Variants in NTM observed in about 807,000 individuals in gnomAD.
The protein encoded by NTM is neurotrimin.
NTM carries 13 observed loss-of-function variants against 42.1 expected under a neutral mutation model. That is an observed-to-expected ratio of 0.31 (90% CI 0.20 to 0.49). The LOEUF (loss-of-function observed/expected upper bound fraction) is 0.49. Ranked by LOEUF, NTM falls within the 20% of genes least tolerant of loss-of-function variation. The pLI is 0.99. For missense variants in NTM, 373 were observed against 452.8 expected, an observed-to-expected ratio of 0.82 and a Z score of 1.60; for synonymous variants, 187 against 179.2, an observed-to-expected ratio of 1.04 and a Z score of -0.35.
At chr11:131,770,608 A>G (rs2085909805) in intron 1 of NTM, among the ~76,000 whole-genome samples, 1 of 152,206 alleles carries the variant, frequency 6.6e-6, no homozygotes, top group Admixed American at 6.5e-5. Flanking sequence ...CTGGTAAATT[A>G]AATCAACAGT....
intron 2 of NTM, among the ~76,000 whole-genome samples, chr11:132,138,563 AATCT>A (rs6144568): frequency 0.084 from 10,640 of 127,004 alleles, 596 homozygotes; most frequent in East Asian, 0.2. Context: ...TTTTCAACAG[AATCT>A]ATCTATCTAT....
At chr11:131,412,534 C>A (rs1468070021) in intron 1 of NTM, among the ~76,000 whole-genome samples, 2 of 152,146 alleles carry the variant, frequency 1.3e-5, no homozygotes, top group Non-Finnish European at 2.9e-5. Context: ...AAACTGTCCT[C>A]CTCTCTCCTC....
chr11:132,048,385 G>A (rs2078325398), intron 2 of NTM, among the ~76,000 whole-genome samples: 1 of 152,196 alleles, frequency 6.6e-6, no homozygotes, highest in African/African-American at 2.4e-5. Context: ...TGGTCCCTGT[G>A]TGGGGAATTG....
chr11:131,663,698 G>A (rs2068496043), intron 1 of NTM: 1 of 152,174 alleles, frequency 6.6e-6, no homozygotes, highest in Admixed American at 6.5e-5. Context: ...GAATGCTGGG[G>A]TTCCCACTCT....
chr11:131,482,834 C>T (rs1953752333), intron 1 of NTM, among the ~76,000 whole-genome samples: 1 of 152,026 alleles, frequency 6.6e-6, no homozygotes, highest in African/African-American at 2.4e-5. Context: ...AGAAACAGAG[C>T]AAAAGAGAAT....
At chr11:132,073,501 A>T (rs760083447) in intron 2 of NTM, among the ~76,000 whole-genome samples, 2 of 152,206 alleles carry the variant, frequency 1.3e-5, no homozygotes, top group Non-Finnish European at 2.9e-5. Context: ...TTAAAAGGAC[A>T]TATGGCTCCA....
intron 1 of NTM, among the ~76,000 whole-genome samples, chr11:131,904,181 A>G (rs1313017627): frequency 6.6e-6 from 1 of 152,182 alleles, no homozygotes; most frequent in African/African-American, 2.4e-5. Context: ...GGGAACAAGG[A>G]ATAAAACCTC....
chr11:132,199,269 T>C (rs185303572), intron 3 of NTM, among the ~76,000 whole-genome samples: 3 of 151,990 alleles, frequency 2.0e-5, no homozygotes, highest in Non-Finnish European at 4.4e-5. Flanking sequence ...GTACATAGAG[T>C]GTAGTTCACC....
At chr11:131,398,669 C>A (rs934903214) in intron 1 of NTM, among the ~76,000 whole-genome samples, 3 of 152,144 alleles carry the variant, frequency 2.0e-5, no homozygotes, top group African/African-American at 7.2e-5. Context: ...ATGATTATGG[C>A]CTTATTCCAC....
chr11:132,161,395 T>TTC (rs1491379312), intron 3 of NTM, among the ~76,000 whole-genome samples: 2 of 97,392 alleles, frequency 2.1e-5, no homozygotes, highest in Admixed American at 2.2e-4. Context: ...TTTTTTTTTT[T>TTC]CCCCACAAAA....
chr11:131,605,292 A>G (rs774359843), intron 1 of NTM, among the ~76,000 whole-genome samples: 8 of 152,158 alleles, frequency 5.3e-5, no homozygotes, highest in Admixed American at 5.2e-4. Context: ...ATTATCCCTG[A>G]GTACTTTACT....
chr11:132,200,137 A>G (rs1437013896), intron 3 of NTM, among the ~76,000 whole-genome samples: 6 of 152,156 alleles, frequency 3.9e-5, no homozygotes, highest in Non-Finnish European at 1.5e-5. Flanking sequence ...TTCACCAGCC[A>G]TAACCTTTAT....
intron 2 of NTM, among the ~76,000 whole-genome samples, chr11:132,005,034 C>T (rs1043149431): frequency 1.3e-5 from 2 of 152,078 alleles, no homozygotes; most frequent in Non-Finnish European, 2.9e-5. Flanking sequence ...GATGTGAAAA[C>T]GTTATAGTTG....
In NTM at chr11:132,219,775, A is replaced by G. The variant is rs936635383; in HGVS notation, c.526+7628A>G. Reference sequence around the variant, plus strand: ...TCCTGGCCCCATAACAACACATAGTATGTGTCCAATAATGTTAGCTTGCAG... The same window carrying G: ...TCCTGGCCCCATAACAACACATAGTGTGTGTCCAATAATGTTAGCTTGCAG... On this transcript the variant is annotated intron_variant, in intron 4 of 8. Transcript: ENST00000683400. Among the ~76,000 whole-genome samples the G allele has an allele frequency of 3.3e-5, 5 of 152,282 alleles. No homozygotes were observed. The South Asian group carries it at 8.3e-4, about 25-fold the overall frequency.
At chr11:131,862,979 G>A (rs2046799137) in intron 1 of NTM, among the ~76,000 whole-genome samples, 1 of 152,196 alleles carries the variant, frequency 6.6e-6, no homozygotes, top group Admixed American at 6.5e-5. Context: ...CTAAAACGAG[G>A]AAGCTGAGGA....
intron 1 of NTM, among the ~76,000 whole-genome samples, chr11:131,631,392 T>C (rs2063644779): frequency 6.6e-6 from 1 of 152,218 alleles, no homozygotes; most frequent in Non-Finnish European, 1.5e-5. Flanking sequence ...TTCCTGTCCA[T>C]AATATTGCTA....
rs529147336 is a variant in NTM, at chr11:131,750,578, T to C, written c.83-160986T>C. On this transcript the variant is annotated intron_variant, in intron 1 of 8. Transcript: ENST00000683400. ...CCCCCTTTGCTACAATCCTGGCATC[T>C]AAGTCATTATTAAATCCTGTTGATT... 1.8e-4 allele frequency among the ~76,000 whole-genome samples: 28 copies of C among 152,366 alleles called. No homozygotes were observed. In the South Asian group the frequency reaches 4.6e-3, roughly 25 times the overall value.
At chr11:132,012,467 G>A (rs920026958) in intron 2 of NTM, among the ~76,000 whole-genome samples, 1 of 152,140 alleles carries the variant, frequency 6.6e-6, no homozygotes, top group Admixed American at 6.6e-5. Flanking sequence ...TGAGGTTATC[G>A]CCACCCCTTG....
chr11:132,034,547 A>T lies in NTM; in HGVS notation c.168-111735A>T, dbSNP rs1181831239. Among the ~76,000 whole-genome samples, 8 of 152,344 alleles carry T rather than the reference A, an allele frequency of 5.3e-5. No homozygotes were observed. In the South Asian group the frequency reaches 1.2e-3, roughly 24 times the overall value. On this transcript the variant is annotated intron_variant, in intron 2 of 8. Coordinates refer to ENST00000683400, the MANE Select transcript of NTM (RefSeq NM_001352005.2). ...GCAGATGGGTTTACATTCAATCCAGATGAAATCCCAGAGGGCATTTGGGTT... is the reference window on the plus strand; with the variant it reads ...GCAGATGGGTTTACATTCAATCCAGTTGAAATCCCAGAGGGCATTTGGGTT...
Sources: gnomAD v4.1 joint callset for allele counts (sites outside exome capture counted in the v4.1 genomes callset) on GRCh38, gnomAD v4.1.1 for gene constraint, MANE v1.5 for transcripts, NCBI Gene and HGNC (gene_info 2026-07-23, HGNC 2026-07-21) for gene names.